SETD3: variants seen among roughly 807,000 people sequenced by gnomAD.
SETD3 encodes SET domain containing 3, actin N3(tau)-histidine methyltransferase.
A neutral mutation model predicts 63.0 loss-of-function variants in SETD3; 19 were observed. The observed-to-expected ratio is 0.30, with a 90% CI of 0.21 to 0.44. The LOEUF (loss-of-function observed/expected upper bound fraction) is 0.44. Among genes scored for constraint, SETD3 ranks in the 20% least tolerant of loss-of-function variants. SETD3 has a pLI of 1.00. For missense variants in SETD3, 587 were observed against 728.5 expected, an observed-to-expected ratio of 0.81 and a Z score of 2.24; for synonymous variants, 286 against 264.1, an observed-to-expected ratio of 1.08 and a Z score of -0.80.
intron 6 of SETD3, among the ~76,000 whole-genome samples, chr14:99,419,484 A>C (rs1892459265): frequency 6.6e-6 from 1 of 152,122 alleles, no homozygotes; most frequent in African/African-American, 2.4e-5. Flanking sequence ...CTGTTTAAAA[A>C]CCTTTTTATG....
chr14:99,430,189 C>A (rs1893097194), intron 6 of SETD3, among the ~76,000 whole-genome samples: 1 of 152,218 alleles, frequency 6.6e-6, no homozygotes, highest in African/African-American at 2.4e-5. Flanking sequence ...AAAGAAAGAT[C>A]TCTGCTCTCT....
At chr14:99,472,454 T>C (rs956420253) in intron 1 of SETD3, among the ~76,000 whole-genome samples, 1 of 152,220 alleles carries the variant, frequency 6.6e-6, no homozygotes, top group Non-Finnish European at 1.5e-5. Context: ...GTCTGTTATA[T>C]ACCGTGAATA....
chr14:99,439,745 AATGT>A (rs1002622938), intron 6 of SETD3, among the ~76,000 whole-genome samples: 30 of 148,140 alleles, frequency 2.0e-4, no homozygotes, highest in South Asian at 1.1e-3. Flanking sequence ...TATACATATA[AATGT>A]ATGTATTTAT....
At chr14:99,477,976 T>C (rs1002929564) in intron 1 of SETD3, among the ~76,000 whole-genome samples, 2 of 152,094 alleles carry the variant, frequency 1.3e-5, no homozygotes, top group African/African-American at 2.4e-5. Flanking sequence ...GTGAAAACTA[T>C]AGAAAACTGA....
At chr14:99,485,409 C>T (rs1042670251), upstream of SETD3, among the ~76,000 whole-genome samples, 3 of 152,132 alleles carry the variant, frequency 2.0e-5, no homozygotes, top group African/African-American at 7.2e-5. Context: ...TTAGTTACTT[C>T]CTCCCCCTTA....
chr14:99,443,246 T>C (rs1313019504), intron 6 of SETD3, among the ~76,000 whole-genome samples: 1 of 151,100 alleles, frequency 6.6e-6, no homozygotes, highest in East Asian at 1.9e-4. Context: ...CTTCCTTCTC[T>C]GAACTCCCAT....
At position 99,458,425 on chromosome 14, in the gene SETD3, G is replaced by GT; in HGVS notation, c.528_529insA (p.Gln177ThrfsTer6). 1 of 1,614,126 alleles carries GT rather than the reference G, an allele frequency of 6.2e-7. No homozygotes were observed. The highest frequency in any genetic ancestry group is 1.1e-5 in the South Asian group (1 of 91,084). ...GTGTCATATTCACTGGGGAGGGTTT[G>GT]AATATAGGGCTGCCAGAAGGAGTTA... On this transcript the variant is annotated frameshift_variant, in exon 6 of 13. Coordinates refer to ENST00000331768, the MANE Select transcript of SETD3 (RefSeq NM_032233.3). LOFTEE classifies it high-confidence loss of function.
intron 6 of SETD3, among the ~76,000 whole-genome samples, chr14:99,433,748 T>G (rs905382033): frequency 6.6e-6 from 1 of 152,234 alleles, no homozygotes; most frequent in Non-Finnish European, 1.5e-5. Context: ...TAAAAATTCT[T>G]TAATGAGCGT....
intron 6 of SETD3, among the ~76,000 whole-genome samples, chr14:99,455,298 T>C (rs895862965): frequency 1.3e-5 from 2 of 152,246 alleles, no homozygotes; most frequent in African/African-American, 4.8e-5. Flanking sequence ...CACCCCATCA[T>C]GCATATCGCA....
At chr14:99,402,647 G>A (rs1347094706) in intron 11 of SETD3, among the ~76,000 whole-genome samples, 1 of 152,180 alleles carries the variant, frequency 6.6e-6, no homozygotes, top group Non-Finnish European at 1.5e-5. Context: ...GCTGGGGTTG[G>A]CTTACTGTAG....
At chr14:99,485,637 A>G (rs994467251), upstream of SETD3, among the ~76,000 whole-genome samples, 3 of 152,224 alleles carry the variant, frequency 2.0e-5, no homozygotes, top group Admixed American at 6.5e-5. Flanking sequence ...AAACCAAAAC[A>G]ATAACAAAAC....
intron 6 of SETD3, among the ~76,000 whole-genome samples, chr14:99,439,083 C>T (rs1893646501): frequency 6.6e-6 from 1 of 152,240 alleles, no homozygotes; most frequent in African/African-American, 2.4e-5. Flanking sequence ...AAGAGAACTG[C>T]TAAAGCAGCA....
At chr14:99,459,983 A>G (rs985412184) in intron 4 of SETD3, among the ~76,000 whole-genome samples, 1 of 152,182 alleles carries the variant, frequency 6.6e-6, no homozygotes, top group Non-Finnish European at 1.5e-5. Context: ...ACAAAAGCAC[A>G]TAGTGAGGAA....
chr14:99,427,028 C>T (rs1892919399), intron 6 of SETD3, among the ~76,000 whole-genome samples: 1 of 152,218 alleles, frequency 6.6e-6, no homozygotes, highest in East Asian at 1.9e-4. Flanking sequence ...TTTTACTTGG[C>T]AGGCAAGAGA....
chr14:99,413,764 T>G (rs1595160682), intron 7 of SETD3, 112 bp downstream of exon 7: 1 of 972,228 alleles, frequency 1.0e-6, no homozygotes, highest in East Asian at 2.4e-5. Context: ...GTTTGGATGC[T>G]TTAACGGTCA....
At chr14:99,408,844 C>T (rs1891822130) in intron 8 of SETD3, among the ~76,000 whole-genome samples, 1 of 152,140 alleles carries the variant, frequency 6.6e-6, no homozygotes, top group African/African-American at 2.4e-5. Context: ...GAAGCACAGG[C>T]CTCGCCCCTC....
chr14:99,469,987 C>T lies in SETD3; in HGVS notation c.-8-4174G>A, dbSNP rs118178450. On this transcript the variant is annotated intron_variant, in intron 1 of 12. Transcript: ENST00000331768. ...CTACACTGTGTAGGTTTCTTTCGCTCACACGTCTTTCCACAGCTCACGGGA... is the reference window on the plus strand; with the variant it reads ...CTACACTGTGTAGGTTTCTTTCGCTTACACGTCTTTCCACAGCTCACGGGA... Among the ~76,000 whole-genome samples, 553 of 152,316 alleles carry T rather than the reference C, an allele frequency of 3.6e-3. 10 individuals are homozygous for T. In the East Asian group the frequency reaches 0.058, roughly 16 times the overall value.
chr14:99,417,031 T>C (rs1189550763), intron 6 of SETD3, among the ~76,000 whole-genome samples: 1 of 152,216 alleles, frequency 6.6e-6, no homozygotes, highest in Non-Finnish European at 1.5e-5. Context: ...AGAGCAATAT[T>C]GCTAAATATG....
At chr14:99,455,569 T>C (rs1566723845) in intron 6 of SETD3, among the ~76,000 whole-genome samples, 1 of 152,118 alleles carries the variant, frequency 6.6e-6, no homozygotes, top group Non-Finnish European at 1.5e-5. Flanking sequence ...CAGGAAGGGA[T>C]CTGGAATCAG....
Sources: allele counts gnomAD v4.1 joint callset (sites outside exome capture counted in the v4.1 genomes callset), GRCh38; gene constraint gnomAD v4.1.1; transcripts MANE v1.5; gene names NCBI Gene and HGNC (gene_info 2026-07-23, HGNC 2026-07-21).